STAB1: variants seen among roughly 807,000 people sequenced by gnomAD.
STAB1 encodes the protein stabilin 1, also known as stabilin-1.
A neutral mutation model predicts 332.4 loss-of-function variants in STAB1; 250 were observed. The observed-to-expected ratio is 0.75, with a 90% confidence interval of 0.68 to 0.84. The LOEUF (loss-of-function observed/expected upper bound fraction) is 0.84, where lower values mean the gene tolerates loss of function less well. Among genes scored for constraint, STAB1 ranks in the 40% least tolerant of loss-of-function variants. The probability of loss-of-function intolerance (pLI) is 0.00; values close to 1 mark genes in which losing one functional copy is unlikely to be tolerated. For missense variants in STAB1, 3,249 were observed against 3,489.7 expected, an observed-to-expected ratio of 0.93 and a Z score of 1.74; for synonymous variants, 1,475 against 1,390.4, an observed-to-expected ratio of 1.06 and a Z score of -1.35.
rs542878323 is a variant in STAB1 at position 52,509,426 on chromosome 3, G to A, written c.2347+105G>A. ...GAAACGAAGCCCCAGGAGGAGGGAC[G>A]AAGGCCAAGGGGAGTGGAGGAAGAT... On this transcript the variant is annotated intron_variant, in intron 22 of 68. Transcript: ENST00000321725. 1.3e-4 allele frequency: 124 copies of A among 921,328 alleles called. No individual in the cohort carries two copies. The African/African-American group carries it at 1.8e-3, about 13-fold the overall frequency. The allele number at this position is 921,328 out of a possible 1,614,324, so 57.1% of individuals were successfully genotyped here.
In STAB1 at chr3:52,521,937, GC is replaced by G; in HGVS notation, c.6259del (p.Arg2087ValfsTer25). 6.2e-7 allele frequency: 1 copy of G among 1,609,308 alleles called. No homozygotes were observed. Among genetic ancestry groups the G allele is most frequent in the Non-Finnish European group, 8.5e-7 (1 of 1,177,018 alleles). On this transcript the variant is annotated frameshift_variant, in exon 58 of 69. Coordinates refer to ENST00000321725, the MANE Select transcript of STAB1 (RefSeq NM_015136.3). LOFTEE classifies it high-confidence loss of function. ...TGCAGCCTGGGCTATGAAGGGGATGGCCGTGTGTGTACAGGTAAGCAGATGG... is the reference window on the plus strand; with the variant it reads ...TGCAGCCTGGGCTATGAAGGGGATGGCGTGTGTGTACAGGTAAGCAGATGG... ...CECSLGYEGD[G>X]RVCTVADLCQ... is the part of the protein sequence containing the mutation.
At chr3:52,510,807 T>C (rs1709245121) in intron 25 of STAB1, among the ~76,000 whole-genome samples, 1 of 152,210 alleles carries the variant, frequency 6.6e-6, no homozygotes, top group African/African-American at 2.4e-5. Flanking sequence ...TCCCCAAAAC[T>C]TTAGCCTCAT....
At chr3:52,514,276 C>T in intron 33 of STAB1, 63 bp downstream of exon 33, 1 of 1,600,120 alleles carries the variant, frequency 6.2e-7, no homozygotes, top group Non-Finnish European at 8.5e-7. Flanking sequence ...AGCCTCCAAT[C>T]CCACCACGAA....
Position 52,519,713 on chromosome 3 carries a change from CTG to C in STAB1, c.5235+154_5235+155del, listed in dbSNP as rs1180008324. 44 of 1,270,718 alleles carry C rather than the reference CTG, an allele frequency of 3.5e-5. No individual in the cohort carries two copies. In the Middle Eastern group the frequency reaches 8.6e-4, roughly 25 times the overall value. The allele number at this position is 1,270,718 out of a possible 1,614,324, so 78.7% of individuals were successfully genotyped here. ...GAACTCATGTGTGCACAAGCCACAT[CTG>C]TGTGCATGTGCACCCCAGGTTGAGC... is the stretch of plus-strand genomic sequence containing the variant. On this transcript the variant is annotated intron_variant, in intron 50 of 68. Transcript: ENST00000321725.
chr3:52,506,713 G>A lies in STAB1; in HGVS notation c.1852G>A (p.Glu618Lys), dbSNP rs548554370. ...GCAGGGGCGCATCCTGCTGGGACCC[G>A]AGGGGGTCCCGCTGCAGAGGGTAGA... ...SEEGRILLGP[E>K]GVPLQRVDVM... Residue 618 changes from glutamate (E) to lysine (K), a missense_variant, in exon 18 of 69, where the codon GAG (glutamate) becomes AAG (lysine). Physicochemically the swap from Glu to Lys is moderately conservative, Grantham distance 56 (BLOSUM62 1). Coordinates refer to ENST00000321725, the MANE Select transcript of STAB1 (RefSeq NM_015136.3). 39 of 1,611,966 alleles carry A rather than the reference G, an allele frequency of 2.4e-5. No homozygotes were observed. In the Middle Eastern group the frequency reaches 8.3e-4, roughly 34 times the overall value.
At position 52,523,639 on chromosome 3, in the gene STAB1, G is replaced by A. The variant is rs779129005; in HGVS notation, c.7291-13G>A. The A allele has an allele frequency of 6.2e-7, 1 of 1,612,832 alleles. No individual in the cohort carries two copies. The highest frequency in any genetic ancestry group is 8.5e-7 in the Non-Finnish European group (1 of 1,179,998). ...CCTCGCTCACAGTGGGCCTGACTCTGGTCTCCCTGCAGGCCCCAGGGACAG... is the reference window on the plus strand; with the variant it reads ...CCTCGCTCACAGTGGGCCTGACTCTAGTCTCCCTGCAGGCCCCAGGGACAG... On this transcript the variant is annotated splice_polypyrimidine_tract_variant and intron_variant, in intron 65 of 68. Transcript: ENST00000321725.
At position 52,518,350 on chromosome 3, in the gene STAB1, C is replaced by T; in HGVS notation, c.4800C>T (p.Leu1600=). 1 of 1,612,638 alleles carries T rather than the reference C, an allele frequency of 6.2e-7. No individual in the cohort carries two copies. The highest frequency in any genetic ancestry group is 8.5e-7 in the Non-Finnish European group (1 of 1,179,886). ...ATAAGCATGCCTCATTCTTCAGCCTCCGCCTCCTGGTGAGTGGCCAGCTTG... is the reference window on the plus strand; with the variant it reads ...ATAAGCATGCCTCATTCTTCAGCCTTCGCCTCCTGGTGAGTGGCCAGCTTG... ...LRDKHASFFS[L]RLLEYKELKG... Residue 1600 remains leucine (L), a synonymous_variant, in exon 46 of 69, where the codon CTC becomes CTT. Transcript: ENST00000321725.
chr3:52,501,147 A>G lies in STAB1; in HGVS notation c.79-19A>G, dbSNP rs746908308. The G allele has an allele frequency of 1.2e-6, 2 of 1,609,698 alleles. No homozygotes were observed. The highest frequency in any genetic ancestry group is 3.3e-5 in the Admixed American group (2 of 59,936). ...GCGTGGGGTCCAGGCCCCTGACCACACCCTGCCTGTGGCCCCAGGTGCTGT... is the reference window on the plus strand; with the variant it reads ...GCGTGGGGTCCAGGCCCCTGACCACGCCCTGCCTGTGGCCCCAGGTGCTGT... On this transcript the variant is annotated intron_variant, in intron 1 of 68. Transcript: ENST00000321725.
chr3:52,521,080 T>C (rs925111768), intron 55 of STAB1, 75 bp downstream of exon 55: 2 of 1,448,992 alleles, frequency 1.4e-6, no homozygotes, highest in Non-Finnish European at 9.1e-7. Flanking sequence ...GCCATTGTCC[T>C]TGAGAGAGTG....
rs2079199585 is a variant in STAB1 at position 52,524,389 on chromosome 3, GGGA to G, written c.*38_*40del. On this transcript the variant is annotated 3_prime_UTR_variant, in exon 69 of 69. Transcript: ENST00000321725. ...GGGGCTGAAAGCAGAAGCATGCACA[GGGA>G]GGAGACCACTTTTATTGCTTGTCTG... The G allele has an allele frequency of 4.3e-6, 7 of 1,613,156 alleles. No individual in the cohort carries two copies. The highest frequency in any genetic ancestry group is 1.7e-5 in the Admixed American group (1 of 60,006).
rs752108549 is a variant in STAB1 at position 52,514,438 on chromosome 3, A to G, written c.3620A>G (p.His1207Arg). The change falls in exon 34 of 69, where the codon CAC (histidine) becomes CGC (arginine). Residue 1207 changes from histidine to arginine, a missense_variant. Coordinates refer to ENST00000321725, the MANE Select transcript of STAB1 (RefSeq NM_015136.3). ...LSMETLRKGGHRNSLLGPAHW... is the reference protein window; with the variant it reads ...LSMETLRKGGRRNSLLGPAHW... Reference sequence around the variant, plus strand: ...ATGGAAACCCTGCGGAAGGGTGGACACCGCAACTCCCTCCTGGGCCCTGCC... The same window carrying G: ...ATGGAAACCCTGCGGAAGGGTGGACGCCGCAACTCCCTCCTGGGCCCTGCC... 6.4e-7 allele frequency: 1 copy of G among 1,556,020 alleles called. No individual in the cohort carries two copies. The highest frequency in any genetic ancestry group is 1.9e-5 in the Admixed American group (1 of 53,356).
chr3:52,521,469 G>A lies in STAB1; in HGVS notation c.6017G>A (p.Cys2006Tyr), dbSNP rs759471460. The A allele has an allele frequency of 1.2e-6, 2 of 1,613,924 alleles. No individual in the cohort carries two copies. Among genetic ancestry groups the A allele is most frequent in the East Asian group, 4.5e-5 (2 of 44,896 alleles). The part of the protein sequence containing the change: ...LCRSGFAGTA[C>Y]ELCAPGAFGP... ...CGTTCAGGTTTTGCTGGGACAGCCT[G>A]TGAACTCTGTGCTCCTGGTGCCTTT... The change falls in exon 56 of 69, where the codon TGT (cysteine) becomes TAT (tyrosine). Residue 2006 changes from cysteine (C) to tyrosine (Y), a missense_variant. Physicochemically the swap from Cys to Tyr is radical, Grantham distance 194. Transcript: ENST00000321725.
intron 2 of STAB1, 23 bp from the exon 3 acceptor site, chr3:52,501,615 C>T (rs759778918): frequency 2.6e-6 from 4 of 1,545,168 alleles, no homozygotes; most frequent in East Asian, 2.4e-5. Context: ...TTTTCCATCA[C>T]CCTGCCCACC....
rs955667894 is a variant in STAB1 at position 52,514,117 on chromosome 3, C to T, written c.3450C>T (p.His1150=). The change falls in exon 33 of 69, where the codon CAC becomes CAT. Residue 1150 remains histidine (H), a splice_region_variant and synonymous_variant. Transcript: ENST00000321725. The stretch of plus-strand genomic sequence containing the variant: ...CCTGACCTCCACCCCATCCCTAGCA[C>T]CATGGGTTGGTGCCCCAGATTGAGG... ...AFSLFRELLQ[H]HGLVPQIEAA... is the part of the protein sequence containing the mutation. The T allele has an allele frequency of 1.9e-6, 3 of 1,613,232 alleles. No homozygotes were observed. The highest frequency in any genetic ancestry group is 2.5e-6 in the Non-Finnish European group (3 of 1,179,956).
intron 48 of STAB1, 66 bp downstream of exon 48, chr3:52,518,935 CAG>C (rs2078976236): frequency 3.1e-6 from 2 of 638,138 alleles, no homozygotes; most frequent in Admixed American, 4.4e-5. Flanking sequence ...GCCATTGCCC[CAG>C]GCCCCACGGC....
At position 52,524,034 on chromosome 3, in the gene STAB1, G is replaced by T. The variant is rs375010859; in HGVS notation, c.7542+17G>T. On this transcript the variant is annotated intron_variant, in intron 67 of 68. Coordinates refer to ENST00000321725, the MANE Select transcript of STAB1 (RefSeq NM_015136.3). ...GCCTTCCAGGTAGGGCTGGGTTGGGGCTGCCATGGCGGGTCCTTGGATCTC... is the reference window on the plus strand; with the variant it reads ...GCCTTCCAGGTAGGGCTGGGTTGGGTCTGCCATGGCGGGTCCTTGGATCTC... 6.8e-6 allele frequency: 11 copies of T among 1,612,074 alleles called. No individual in the cohort carries two copies. In the African/African-American group the frequency reaches 1.5e-4, roughly 22 times the overall value.
rs1006659065 is a variant in STAB1, at chr3:52,517,856, C to G, written c.4639-25C>G. ...AGAGAAGTAGTGAAAGCCACTGATA[C>G]CTTCCTCTCCTGTCCCTGACTCAGA... is the stretch of plus-strand genomic sequence containing the variant. On this transcript the variant is annotated intron_variant, in intron 44 of 68. Transcript: ENST00000321725. 6.2e-6 allele frequency: 10 copies of G among 1,611,734 alleles called. 1 individual carries two copies. Among genetic ancestry groups the G allele is most frequent in the Non-Finnish European group, 5.1e-6 (6 of 1,179,590 alleles).
Position 52,502,612 on chromosome 3 carries a change from T to C in STAB1, c.488-20T>C. 2.5e-6 allele frequency: 4 copies of C among 1,602,006 alleles called. No individual in the cohort carries two copies. Among genetic ancestry groups the C allele is most frequent in the Non-Finnish European group, 3.4e-6 (4 of 1,170,408 alleles). ...CTGGGAGAGGCTGGGGCCCCATCTG[T>C]CTCTGTGTGTCCCTCCCAGTGTGCA... On this transcript the variant is annotated intron_variant, in intron 5 of 68. Coordinates refer to ENST00000321725, the MANE Select transcript of STAB1 (RefSeq NM_015136.3).
Position 52,517,107 on chromosome 3 carries a change from A to C in STAB1, c.4487A>C (p.Gln1496Pro). Reference protein sequence around the residue: ...DGYMGDGELCQEINSCLIHHG... With the variant: ...DGYMGDGELCPEINSCLIHHG... ...TACATGGGCGACGGGGAGCTGTGCC[A>C]GGGTGAGACTAGGCCCCTAACCTGG... is the stretch of plus-strand genomic sequence containing the variant. Residue 1496 changes from glutamine (Q) to proline (P), a missense_variant and splice_region_variant, in exon 42 of 69, where the codon CAG becomes CCG. Gln to Pro is a moderately conservative substitution (Grantham distance 76). Coordinates refer to ENST00000321725, the MANE Select transcript of STAB1 (RefSeq NM_015136.3). 1 of 1,548,572 alleles carries C rather than the reference A, an allele frequency of 6.5e-7. No individual in the cohort carries two copies. The highest frequency in any genetic ancestry group is 8.7e-7 in the Non-Finnish European group (1 of 1,148,280).
Sources: allele counts gnomAD v4.1 joint callset (sites outside exome capture counted in the v4.1 genomes callset), GRCh38; gene constraint gnomAD v4.1.1; transcripts MANE v1.5; gene names NCBI Gene and HGNC (gene_info 2026-07-23, HGNC 2026-07-21).